The following PPP2R1B variants were observed in gnomAD, a reference collection of about 807,000 sequenced individuals.
The protein encoded by PPP2R1B is serine/threonine-protein phosphatase 2A 65 kDa regulatory subunit A beta isoform.
Under a neutral mutation model 72.7 loss-of-function variants are expected in PPP2R1B, and 58 were observed. That is an observed-to-expected ratio of 0.80 (90% CI 0.65 to 0.99). The LOEUF is 0.99. Ranked by LOEUF, PPP2R1B falls within the 50% of genes least tolerant of loss-of-function variation. PPP2R1B has a pLI of 0.00. For missense variants in PPP2R1B, 695 were observed against 733.6 expected, an observed-to-expected ratio of 0.95 and a Z score of 0.61; for synonymous variants, 256 against 264.6, an observed-to-expected ratio of 0.97 and a Z score of 0.32.
At chr11:111,689,163 G>A in the PPP2R1B span, among the ~76,000 whole-genome samples, 4 of 152,266 alleles carry the variant, frequency 2.6e-5, no homozygotes, top group African/African-American at 9.6e-5. Context: ...AAAATCTGTA[G>A]GCATGCAGGA....
chr11:111,717,527 A>G, the PPP2R1B span, among the ~76,000 whole-genome samples: 1 of 152,174 alleles, frequency 6.6e-6, no homozygotes, highest in Non-Finnish European at 1.5e-5. Context: ...TGTGGAAGAC[A>G]GTGTGGCAAT....
At chr11:111,708,188 C>T in the PPP2R1B span, among the ~76,000 whole-genome samples, 1 of 152,044 alleles carries the variant, frequency 6.6e-6, no homozygotes, top group Non-Finnish European at 1.5e-5. Context: ...TTGAGACCAG[C>T]CTGGGCAACA....
downstream of PPP2R1B, chr11:111,724,019 GC>G (rs1381477856): frequency 6.2e-7 from 1 of 1,614,124 alleles, no homozygotes; most frequent in Non-Finnish European, 8.5e-7. Context: ...ACTGCAAGAG[GC>G]CCCCTCCAGC....
At chr11:111,716,150 A>G in the PPP2R1B span, among the ~76,000 whole-genome samples, 1 of 152,080 alleles carries the variant, frequency 6.6e-6, no homozygotes, top group Non-Finnish European at 1.5e-5. Flanking sequence ...TTTCCGAATT[A>G]CCCCCTTCAT....
chr11:111,745,303 C>T (rs963131841), intron 11 of PPP2R1B, among the ~76,000 whole-genome samples: 1 of 152,180 alleles, frequency 6.6e-6, no homozygotes, highest in Non-Finnish European at 1.5e-5. Flanking sequence ...CCACCCGCCT[C>T]AGCCTCCCAA....
intron 2 of PPP2R1B, 63 bp from the exon 3 acceptor site, chr11:111,764,968 C>G: frequency 6.3e-7 from 1 of 1,587,314 alleles, no homozygotes; most frequent in Non-Finnish European, 8.6e-7. Flanking sequence ...GACACTGACA[C>G]AAAACTAGGA....
chr11:111,703,448 T>C, the PPP2R1B span: 2 of 1,604,440 alleles, frequency 1.2e-6, no homozygotes, highest in South Asian at 1.1e-5. Context: ...GATTTCGGGG[T>C]TCTACTGCAC....
At position 111,738,448 on chromosome 11, in the gene PPP2R1B, A is replaced by G. The variant is rs550885612; in HGVS notation, c.*3148T>C. On this transcript the variant is annotated 3_prime_UTR_variant, in exon 15 of 15. Transcript: ENST00000527614. ...TTTAGTGACAACACAACAGTTAACA[A>G]AGGAACAAAAGTGCACCAGGTTAAC... The G allele has an allele frequency of 5.1e-6, 5 of 985,454 alleles. No homozygotes were observed. In the African/African-American group the frequency reaches 8.7e-5, roughly 17 times the overall value. The allele number at this position is 985,454 out of a possible 1,614,324, so 61.0% of individuals were successfully genotyped here.
rs550885612 is a variant in PPP2R1B at position 111,738,448 on chromosome 11, A to C, written c.*3148T>G. 1.0e-6 allele frequency: 1 copy of C among 985,454 alleles called. No individual in the cohort carries two copies. Among genetic ancestry groups the C allele is most frequent in the South Asian group, 4.7e-5 (1 of 21,294 alleles). The allele number at this position is 985,454 out of a possible 1,614,324, so 61.0% of individuals were successfully genotyped here. A position where few individuals can be genotyped will look rare whatever the true frequency, so the allele number is the denominator to read the frequency against. Reference sequence around the variant, plus strand: ...TTTAGTGACAACACAACAGTTAACAAAGGAACAAAAGTGCACCAGGTTAAC... The same window carrying C: ...TTTAGTGACAACACAACAGTTAACACAGGAACAAAAGTGCACCAGGTTAAC... On this transcript the variant is annotated 3_prime_UTR_variant, in exon 15 of 15. Coordinates refer to ENST00000527614, the MANE Select transcript of PPP2R1B (RefSeq NM_002716.5).
chr11:111,697,729 C>T, the PPP2R1B span, among the ~76,000 whole-genome samples: 1 of 152,124 alleles, frequency 6.6e-6, no homozygotes, highest in African/African-American at 2.4e-5. Flanking sequence ...CAGTGGCTCA[C>T]ACCTGTAATC....
At position 111,766,101 on chromosome 11, in the gene PPP2R1B, G is replaced by A. The variant is rs1555053008; in HGVS notation, c.114+147C>T. On this transcript the variant is annotated intron_variant, in intron 1 of 14. Transcript: ENST00000527614. ...GGGGCGTGTCACCACAGCCCCTCGC[G>A]GAGCATTCCCCGCCTCCCCTTCAAG... 5.3e-6 allele frequency: 4 copies of A among 750,576 alleles called. No individual in the cohort carries two copies. The Admixed American group carries it at 9.0e-5, about 17-fold the overall frequency. 46.5% of individuals were successfully genotyped at this position (750,576 alleles called of 1,614,324 possible).
intron 4 of PPP2R1B, 22 bp from the exon 5 acceptor site, chr11:111,759,973 G>A (rs1555050812): frequency 1.2e-6 from 2 of 1,608,522 alleles, no homozygotes; most frequent in Admixed American, 1.7e-5. Context: ...AACAATGAAG[G>A]TATTTCCCAT....
At chr11:111,759,994 T>C (rs781789139) in intron 4 of PPP2R1B, 43 bp from the exon 5 acceptor site, 2 of 1,587,082 alleles carry the variant, frequency 1.3e-6, no homozygotes, top group South Asian at 2.3e-5. Context: ...CAAATAACAC[T>C]GAATAAACCT....
chr11:111,738,717 AAACAAGATGC>A lies in PPP2R1B; in HGVS notation c.*2869_*2878del. On this transcript the variant is annotated 3_prime_UTR_variant, in exon 15 of 15. Transcript: ENST00000527614. The stretch of plus-strand genomic sequence containing the variant: ...ATATTCACCTGCCTTCCTTCTTATG[AAACAAGATGC>A]ATCCTCAGGTTCACATCTTCTTGGT... The A allele has an allele frequency of 1.0e-6, 1 of 985,414 alleles. No individual in the cohort carries two copies. Among genetic ancestry groups the A allele is most frequent in the Non-Finnish European group, 1.2e-6 (1 of 829,930 alleles). The allele number at this position is 985,414 out of a possible 1,614,324, so 61.0% of individuals were successfully genotyped here. A position where few individuals can be genotyped will look rare whatever the true frequency, so the allele number is the denominator to read the frequency against.
At chr11:111,723,813 A>AGCC (rs2078347720), downstream of PPP2R1B, 7 of 1,612,730 alleles carry the variant, frequency 4.3e-6, no homozygotes, top group Admixed American at 1.7e-5. Flanking sequence ...CAGCAGCAGC[A>AGCC]GCCGCCACCG....
chr11:111,727,038 C>T lies in PPP2R1B; in HGVS notation c.1931G>A (p.Arg644His), dbSNP rs752055621. 7.4e-6 allele frequency: 12 copies of T among 1,613,228 alleles called. No homozygotes were observed. Among genetic ancestry groups the T allele is most frequent in the Admixed American group, 3.3e-5 (2 of 59,994 alleles). ...GGCAAGTGTGTCTCTAGTATCTCCACGCAACTGATACACTGGTCCCTGTAA... is the reference window on the plus strand; with the variant it reads ...GGCAAGTGTGTCTCTAGTATCTCCATGCAACTGATACACTGGTCCCTGTAA... Residue 644 changes from arginine (R) to histidine (H), a missense_variant, in exon 16 of 16, where the codon CGT becomes CAT. Transcript: ENST00000311129.
Position 111,743,464 on chromosome 11 carries a change from C to T in PPP2R1B, c.1466G>A (p.Trp489Ter). The stretch of plus-strand genomic sequence containing the variant: ...TTTGGGAACAATAGTATTTTGGGCC[C>T]ACTCTGTACCAAACTTCTGAACTAG... ...MKLVQKFGTEWAQNTIVPKVL... is the reference protein window; with the variant it reads ...MKLVQKFGTE The change falls in exon 12 of 15, where the codon TGG becomes TAG. Residue 489 changes from tryptophan (W) to a stop codon, truncating the protein, a stop_gained. Coordinates refer to ENST00000527614, the MANE Select transcript of PPP2R1B (RefSeq NM_002716.5). LOFTEE classifies it high-confidence loss of function. The T allele has an allele frequency of 6.2e-7, 1 of 1,613,858 alleles. No individual in the cohort carries two copies. The highest frequency in any genetic ancestry group is 2.2e-5 in the East Asian group (1 of 44,876).
chr11:111,739,184 C>G lies in PPP2R1B; in HGVS notation c.*2412G>C. 1 of 984,822 alleles carries G rather than the reference C, an allele frequency of 1.0e-6. No individual in the cohort carries two copies. Among genetic ancestry groups the G allele is most frequent in the Non-Finnish European group, 1.2e-6 (1 of 829,448 alleles). The allele number at this position is 984,822 out of a possible 1,614,324, so 61.0% of individuals were successfully genotyped here. A position where few individuals can be genotyped will look rare whatever the true frequency, so the allele number is the denominator to read the frequency against. On this transcript the variant is annotated 3_prime_UTR_variant, in exon 15 of 15. Coordinates refer to ENST00000527614, the MANE Select transcript of PPP2R1B (RefSeq NM_002716.5). The stretch of plus-strand genomic sequence containing the variant: ...ATATTTTAGAAATTCATCCATTGAA[C>G]ACATTTTTATTGAGCACCTATTATG...
intron 8 of PPP2R1B, among the ~76,000 whole-genome samples, 162 bp from the exon 9 acceptor site, chr11:111,753,739 T>A (rs1945000451): frequency 6.6e-6 from 1 of 151,792 alleles, no homozygotes; most frequent in South Asian, 2.1e-4. Context: ...CACTTCAGCC[T>A]CCAGAGTAGC....
Sources: gnomAD v4.1 joint callset for allele counts (sites outside exome capture counted in the v4.1 genomes callset) on GRCh38, gnomAD v4.1.1 for gene constraint, MANE v1.5 for transcripts, NCBI Gene and HGNC (gene_info 2026-07-23, HGNC 2026-07-21) for gene names.